Variants in AGPS observed in about 807,000 individuals in gnomAD.
AGPS encodes alkylglycerone phosphate synthase.
A neutral mutation model predicts 90.7 loss-of-function variants in AGPS; 26 were observed. The observed-to-expected ratio is 0.29, with a 90% CI of 0.21 to 0.40. AGPS has a LOEUF of 0.40. AGPS is among the 10% of genes least tolerant of loss of function. The pLI is 1.00. For missense variants in AGPS, 540 were observed against 816.1 expected (o/e 0.66, Z 4.12); for synonymous variants, 294 against 285.3 (o/e 1.03, Z -0.31).
At chr2:177,508,269 A>C (rs909982618) in intron 16 of AGPS, among the ~76,000 whole-genome samples, 2 of 152,158 alleles carry the variant, frequency 1.3e-5, no homozygotes, top group Non-Finnish European at 2.9e-5. Context: ...GTATTGTTGA[A>C]GTTTACATTT....
chr2:177,499,599 A>T lies in AGPS; in HGVS notation c.1363-19A>T, dbSNP rs529358014. ...AGGATAAGACTTATCTGTAATAATAAATTTTTTTTTTTTTGTAGTTTAAAG... is the reference window on the plus strand; with the variant it reads ...AGGATAAGACTTATCTGTAATAATATATTTTTTTTTTTTTGTAGTTTAAAG... On this transcript the variant is annotated intron_variant, in intron 13 of 19. Coordinates refer to ENST00000264167, the MANE Select transcript of AGPS (RefSeq NM_003659.4). The T allele has an allele frequency of 7.2e-7, 1 of 1,397,846 alleles. No homozygotes were observed. The highest frequency in any genetic ancestry group is 1.0e-6 in the Non-Finnish European group (1 of 988,404). 86.6% of individuals were successfully genotyped at this position (1,397,846 alleles called of 1,614,324 possible). A position where few individuals can be genotyped will look rare whatever the true frequency, so the allele number is the denominator to read the frequency against.
intron 1 of AGPS, among the ~76,000 whole-genome samples, chr2:177,410,883 G>A (rs977017651): frequency 6.6e-6 from 1 of 152,148 alleles, no homozygotes; most frequent in Non-Finnish European, 1.5e-5. Flanking sequence ...TGGGGCAGTG[G>A]GCCTTCCAGT....
intron 15 of AGPS, among the ~76,000 whole-genome samples, chr2:177,507,688 C>T (rs577306469): frequency 2.9e-4 from 44 of 152,208 alleles, no homozygotes; most frequent in Non-Finnish European, 5.3e-4. Flanking sequence ...TGGATAGAAA[C>T]TCCATTCACT....
chr2:177,432,313 A>G (rs1373525049), intron 2 of AGPS, among the ~76,000 whole-genome samples: 1 of 152,248 alleles, frequency 6.6e-6, no homozygotes, highest in Non-Finnish European at 1.5e-5. Flanking sequence ...TAATATTCTC[A>G]AACTAATCTT....
rs375775258 is a variant in AGPS, at chr2:177,461,971, C to T, written c.949C>T (p.Arg317Cys). 2.7e-5 allele frequency: 43 copies of T among 1,612,288 alleles called. No individual in the cohort carries two copies. Among genetic ancestry groups the T allele is most frequent in the Non-Finnish European group, 3.5e-5 (41 of 1,179,052 alleles). The change falls in exon 9 of 20, where the codon CGC becomes TGC. Residue 317 changes from arginine (R) to cysteine (C), a missense_variant. Coordinates refer to ENST00000264167, the MANE Select transcript of AGPS (RefSeq NM_003659.4). Reference protein sequence around the residue: ...FSTVGGWVSTRASGMKKNIYG... With the variant: ...FSTVGGWVSTCASGMKKNIYG... Reference sequence around the variant, plus strand: ...TACTGTAGGAGGATGGGTATCTACTCGCGCATCAGGCATGAAGAAGAATAT... The same window carrying T: ...TACTGTAGGAGGATGGGTATCTACTTGCGCATCAGGCATGAAGAAGAATAT...
chr2:177,431,695 T>C (rs1205547858), intron 2 of AGPS, among the ~76,000 whole-genome samples: 1 of 152,202 alleles, frequency 6.6e-6, no homozygotes, highest in Non-Finnish European at 1.5e-5. Flanking sequence ...TTATAGGCTC[T>C]CTGCAAGAAG....
At chr2:177,407,129 G>T (rs560310425) in intron 1 of AGPS, among the ~76,000 whole-genome samples, 1 of 152,066 alleles carries the variant, frequency 6.6e-6, no homozygotes, top group East Asian at 1.9e-4. Context: ...AATCTTTCTG[G>T]ACCATTTTTT....
intron 10 of AGPS, among the ~76,000 whole-genome samples, chr2:177,474,428 G>A (rs907205147): frequency 2.6e-5 from 4 of 152,158 alleles, no homozygotes; most frequent in African/African-American, 9.7e-5. Flanking sequence ...TGAATACCAG[G>A]CCACCACATG....
At chr2:177,452,916 TA>T (rs1250806645) in intron 8 of AGPS, among the ~76,000 whole-genome samples, 1 of 152,098 alleles carries the variant, frequency 6.6e-6, no homozygotes, top group East Asian at 1.9e-4. Context: ...CAGTATCATT[TA>T]AAAAATTTAA....
At chr2:177,535,657 C>T (rs1444779754) in intron 19 of AGPS, among the ~76,000 whole-genome samples, 1 of 152,142 alleles carries the variant, frequency 6.6e-6, no homozygotes, top group Non-Finnish European at 1.5e-5. Context: ...GTTGTTAAGG[C>T]ATATTGAACG....
chr2:177,491,574 G>A (rs1173296920), intron 11 of AGPS, among the ~76,000 whole-genome samples: 2 of 151,160 alleles, frequency 1.3e-5, no homozygotes, highest in African/African-American at 4.9e-5. Flanking sequence ...ACTGCGCCTG[G>A]CCAATCAACA....
intron 11 of AGPS, among the ~76,000 whole-genome samples, chr2:177,488,485 G>A (rs1481731494): frequency 6.6e-6 from 1 of 152,072 alleles, no homozygotes; most frequent in Non-Finnish European, 1.5e-5. Context: ...CAAAGTGCTG[G>A]GATTTGAACT....
chr2:177,474,375 A>G (rs1291935540), intron 10 of AGPS, among the ~76,000 whole-genome samples: 3 of 152,240 alleles, frequency 2.0e-5, no homozygotes, highest in African/African-American at 4.8e-5. Context: ...GAAAGCTCTC[A>G]GCAAAAAAAG....
At chr2:177,437,138 A>T in intron 5 of AGPS, 84 bp downstream of exon 5, 1 of 1,290,690 alleles carries the variant, frequency 7.7e-7, no homozygotes, top group Non-Finnish European at 1.1e-6. Context: ...ACTTTTTGGC[A>T]TATGAGTTGT....
intron 10 of AGPS, among the ~76,000 whole-genome samples, chr2:177,481,176 C>G (rs1450259030): frequency 1.3e-5 from 2 of 151,980 alleles, no homozygotes; most frequent in Non-Finnish European, 2.9e-5. Context: ...AAGGATTTCT[C>G]CCCGTCTTTA....
chr2:177,463,738 AT>A (rs1237614461), intron 9 of AGPS, among the ~76,000 whole-genome samples: 1 of 152,080 alleles, frequency 6.6e-6, no homozygotes, highest in Non-Finnish European at 1.5e-5. Context: ...TGGGGAGAAA[AT>A]TTGATCCTTT....
intron 19 of AGPS, among the ~76,000 whole-genome samples, chr2:177,527,143 A>G (rs1574034448): frequency 6.6e-6 from 1 of 152,012 alleles, no homozygotes; most frequent in Non-Finnish European, 1.5e-5. Context: ...TTAAATGTAT[A>G]TGGGCTGGGC....
At chr2:177,450,372 C>G (rs1686902184) in intron 8 of AGPS, among the ~76,000 whole-genome samples, 1 of 152,058 alleles carries the variant, frequency 6.6e-6, no homozygotes, top group Non-Finnish European at 1.5e-5. Flanking sequence ...TGTCATAATG[C>G]AAGGTTATAG....
chr2:177,513,697 A>G (rs932406374), intron 16 of AGPS, 122 bp from the exon 17 acceptor site: 1 of 721,474 alleles, frequency 1.4e-6, no homozygotes, highest in Non-Finnish European at 2.4e-6. Flanking sequence ...TGAAAGGACA[A>G]CTATGAAAGC....
Sources: allele counts gnomAD v4.1 joint callset (sites outside exome capture counted in the v4.1 genomes callset), GRCh38; gene constraint gnomAD v4.1.1; transcripts MANE v1.5; gene names NCBI Gene and HGNC (gene_info 2026-07-23, HGNC 2026-07-21).